The following DMD variants were observed in gnomAD, a reference collection of about 807,000 sequenced individuals.
The protein encoded by DMD is dystrophin, also known as mutant dystrophin.
Under a neutral mutation model 330.1 loss-of-function variants are expected in DMD, and 63 were observed. The ratio of observed to expected loss-of-function variants is 0.19; its 90% CI spans 0.16 to 0.24. The LOEUF is 0.24. DMD is among the 10% of genes least tolerant of loss of function. The probability of loss-of-function intolerance (pLI) is 1.00; values close to 1 mark genes in which losing one functional copy is unlikely to be tolerated. For missense variants in DMD, 3,344 were observed against 2,684.1 expected, an observed-to-expected ratio of 1.25 and a Z score of -5.43; for synonymous variants, 1,223 against 959.8, an observed-to-expected ratio of 1.27 and a Z score of -5.07.
intron 7 of DMD, among the ~76,000 whole-genome samples, chrX:32,724,369 A>C (rs777799062): frequency 8.9e-6 from 1 of 111,846 alleles, no homozygotes; most frequent in African/African-American, 3.2e-5. Flanking sequence ...AAGTTGATTT[A>C]TGAGGAACTA....
chrX:32,658,670 T>C (rs777149784), intron 9 of DMD, among the ~76,000 whole-genome samples: 16 of 110,958 alleles, frequency 1.4e-4, no homozygotes, highest in African/African-American at 5.2e-4. Context: ...TTGATTCTCA[T>C]TGGGTCACTT....
At chrX:31,562,440 G>C in intron 55 of DMD, among the ~76,000 whole-genome samples, 1 of 112,004 alleles carries the variant, frequency 8.9e-6, no homozygotes. Flanking sequence ...CAATATCTGA[G>C]AGTGCTCTCT....
intron 2 of DMD, among the ~76,000 whole-genome samples, chrX:32,932,939 T>A (rs888826342): frequency 9.0e-6 from 1 of 111,455 alleles, no homozygotes; most frequent in Non-Finnish European, 1.9e-5. Flanking sequence ...TAACTATATA[T>A]TTTTTTTCAG....
At chrX:32,538,894 C>T (rs2048240162) in intron 17 of DMD, among the ~76,000 whole-genome samples, 1 of 109,738 alleles carries the variant, frequency 9.1e-6, no homozygotes, top group East Asian at 2.9e-4. Context: ...TTTGGGCCCA[C>T]CAGCAGTGTT....
intron 64 of DMD, among the ~76,000 whole-genome samples, chrX:31,221,502 T>C (rs947573790): frequency 8.9e-6 from 1 of 112,536 alleles, no homozygotes; most frequent in Non-Finnish European, 1.9e-5. Context: ...TTACCTAGCT[T>C]AGACATCACC....
intron 50 of DMD, among the ~76,000 whole-genome samples, chrX:31,817,995 TACCC>T (rs1232104994): frequency 4.5e-5 from 5 of 111,613 alleles, no homozygotes; most frequent in African/African-American, 1.6e-4. Context: ...TAGACAATAA[TACCC>T]TCATCCCATC....
intron 44 of DMD, among the ~76,000 whole-genome samples, chrX:32,177,097 G>A (rs185749217): frequency 1.1e-3 from 124 of 111,575 alleles, no homozygotes; most frequent in African/African-American, 4.0e-3. Context: ...CGTCAATTAC[G>A]TCTCCTGTAT....
intron 1 of DMD, among the ~76,000 whole-genome samples, chrX:33,210,019 A>G (rs1217941366): frequency 6.3e-5 from 7 of 110,710 alleles, no homozygotes; most frequent in Non-Finnish European, 1.1e-4. Context: ...TGCAAACAAC[A>G]GATATATGCC....
chrX:31,941,136 G>A (rs1426328469), intron 45 of DMD, among the ~76,000 whole-genome samples: 1 of 111,729 alleles, frequency 9.0e-6, no homozygotes, highest in African/African-American at 3.3e-5. Context: ...AACAGGCTTC[G>A]GGAAAATCTG....
chrX:31,887,601 A>C (rs2094174162), intron 47 of DMD, among the ~76,000 whole-genome samples: 1 of 112,181 alleles, frequency 8.9e-6, no homozygotes, highest in Admixed American at 9.5e-5. Context: ...TTTGGGTAAT[A>C]AAAGTTCCAC....
chrX:31,742,923 A>G (rs1435153151), intron 51 of DMD, among the ~76,000 whole-genome samples: 1 of 112,197 alleles, frequency 8.9e-6, no homozygotes, highest in Admixed American at 9.5e-5. Context: ...ACAGAATAAG[A>G]GAATATATTT....
chrX:31,310,205 CCAT>C (rs1569523706), intron 62 of DMD, among the ~76,000 whole-genome samples: 93 of 34,772 alleles, frequency 2.7e-3, no homozygotes, highest in African/African-American at 0.015. Flanking sequence ...CTCTCTCTCT[CCAT>C]ATATATATAT....
At chrX:31,219,833 T>TACACACACACACAC (rs58717973) in intron 64 of DMD, among the ~76,000 whole-genome samples, 2,756 of 100,198 alleles carry the variant, frequency 0.028, 66 homozygotes, top group South Asian at 0.079. Context: ...GATCAATGTA[T>TACACACACACACAC]ACACACACAC....
chrX:31,867,906 T>C (rs964184277), intron 48 of DMD, among the ~76,000 whole-genome samples: 6 of 111,359 alleles, frequency 5.4e-5, no homozygotes, highest in African/African-American at 1.3e-4. Flanking sequence ...TCTTTAATTA[T>C]GGCCATTTTA....
intron 51 of DMD, among the ~76,000 whole-genome samples, chrX:31,766,910 T>C (rs1241698669): frequency 9.1e-6 from 1 of 110,151 alleles, no homozygotes; most frequent in Non-Finnish European, 1.9e-5. Context: ...TGTTTGCAAC[T>C]CTATGACCTT....
intron 44 of DMD, among the ~76,000 whole-genome samples, chrX:32,086,429 A>G (rs1241939974): frequency 2.7e-5 from 3 of 111,901 alleles, no homozygotes; most frequent in Non-Finnish European, 5.6e-5. Flanking sequence ...TTTAATTCAC[A>G]CAATATGGAT....
At position 31,658,065 on chromosome X, in the gene DMD, T is replaced by A; in HGVS notation, c.7952A>T (p.Tyr2651Phe). The A allele has an allele frequency of 8.3e-7, 1 of 1,211,627 alleles. No homozygotes were observed. Among genetic ancestry groups the A allele is most frequent in the Non-Finnish European group, 1.1e-6 (1 of 895,139 alleles). Residue 2651 changes from tyrosine (Y) to phenylalanine (F), a missense_variant, in exon 54 of 79, where the codon TAT (tyrosine) becomes TTT (phenylalanine). Transcript: ENST00000357033. ...GACTTTTCTGGTATCATCTGCAGAA[T>A]AATCCCGGAGAAGTTTCAGGGCCAA... ...NDLALKLLRD[Y>F]SADDTRKVHM...
chrX:31,733,224 C>T (rs1422560007), intron 51 of DMD, among the ~76,000 whole-genome samples: 1 of 111,181 alleles, frequency 9.0e-6, no homozygotes, highest in Non-Finnish European at 1.9e-5. Flanking sequence ...AAATAGCAAC[C>T]CTATGAAATA....
intron 7 of DMD, among the ~76,000 whole-genome samples, chrX:32,768,909 C>G (rs971128361): frequency 4.5e-5 from 5 of 111,729 alleles, no homozygotes; most frequent in African/African-American, 9.8e-5. Context: ...ACAGGCATGG[C>G]TATATACATG....
Sources: gnomAD v4.1 joint callset for allele counts (sites outside exome capture counted in the v4.1 genomes callset) on GRCh38, gnomAD v4.1.1 for gene constraint, MANE v1.5 for transcripts, NCBI Gene and HGNC (gene_info 2026-07-23, HGNC 2026-07-21) for gene names.